MAP7: variants seen among roughly 807,000 people sequenced by gnomAD.
The protein encoded by MAP7 is ensconsin.
Under a neutral mutation model 94.8 loss-of-function variants are expected in MAP7, and 52 were observed. That is an observed-to-expected ratio of 0.55 (90% CI 0.44 to 0.69). MAP7 has a LOEUF of 0.69. MAP7 is among the 30% of genes least tolerant of loss of function. MAP7 has a pLI of 0.00. For synonymous variants in MAP7, 350 were observed against 357.0 expected (o/e 0.98, Z 0.22); for missense variants, 940 against 964.6 (o/e 0.97, Z 0.34).
intron 8 of MAP7, among the ~76,000 whole-genome samples, chr6:136,371,293 T>C (rs1265869656): frequency 1.3e-5 from 2 of 152,232 alleles, no homozygotes; most frequent in South Asian, 4.1e-4. Flanking sequence ...TCTTTTCCCC[T>C]GCCCAGTGAG....
intron 1 of MAP7, among the ~76,000 whole-genome samples, chr6:136,466,267 C>T (rs909113539): frequency 1.3e-5 from 2 of 152,138 alleles, no homozygotes; most frequent in African/African-American, 4.8e-5. Flanking sequence ...ATACACCTCT[C>T]TAAATAGAAA....
chr6:136,536,847 A>C (rs1828925919), intron 1 of MAP7, among the ~76,000 whole-genome samples: 2 of 152,248 alleles, frequency 1.3e-5, no homozygotes, highest in Admixed American at 6.5e-5. Context: ...AATAGAAAGC[A>C]ACCCTGTGCT....
intron 17 of MAP7, 92 bp downstream of exon 17, chr6:136,345,764 A>T: frequency 9.8e-7 from 1 of 1,024,156 alleles, no homozygotes; most frequent in Non-Finnish European, 1.6e-6. Flanking sequence ...ACAAAGTGTT[A>T]CCACAATCAT....
chr6:136,467,961 C>T (rs151165891), intron 1 of MAP7, among the ~76,000 whole-genome samples: 2 of 152,292 alleles, frequency 1.3e-5, no homozygotes, highest in Non-Finnish European at 2.9e-5. Flanking sequence ...GCGTGAGGGT[C>T]AAGTGTGGGC....
chr6:136,380,915 C>A (rs980331087), intron 6 of MAP7, among the ~76,000 whole-genome samples: 10 of 152,184 alleles, frequency 6.6e-5, no homozygotes, highest in African/African-American at 2.4e-4. Context: ...ACTAGTAGAG[C>A]TCTTTGGATA....
intron 3 of MAP7, among the ~76,000 whole-genome samples, chr6:136,402,453 G>T (rs549810956): frequency 6.6e-6 from 1 of 152,190 alleles, no homozygotes; most frequent in Non-Finnish European, 1.5e-5. Flanking sequence ...GACCTTGGAG[G>T]ATCCCCACAA....
At chr6:136,432,755 A>G (rs888531366) in intron 1 of MAP7, among the ~76,000 whole-genome samples, 2 of 152,198 alleles carry the variant, frequency 1.3e-5, no homozygotes, top group Non-Finnish European at 2.9e-5. Flanking sequence ...TTATAAAAAG[A>G]AAGTAAATTT....
chr6:136,366,045 A>G (rs370679045), intron 9 of MAP7, 27 bp from the exon 10 acceptor site: 1 of 1,595,042 alleles, frequency 6.3e-7, no homozygotes, highest in African/African-American at 1.3e-5. Context: ...CAAGGCAGAC[A>G]AAAGGGGACA....
intron 16 of MAP7, among the ~76,000 whole-genome samples, chr6:136,350,933 G>C (rs1440930214): frequency 6.6e-6 from 1 of 152,208 alleles, no homozygotes; most frequent in African/African-American, 2.4e-5. Context: ...AAGTGGCAGA[G>C]AGCCCCAGGG....
intron 16 of MAP7, among the ~76,000 whole-genome samples, chr6:136,355,218 C>T (rs964280868): frequency 1.4e-4 from 21 of 151,182 alleles, no homozygotes; most frequent in African/African-American, 5.1e-4. Flanking sequence ...ATTGTCTGTT[C>T]CCCATAATAA....
intron 8 of MAP7, among the ~76,000 whole-genome samples, chr6:136,370,589 A>T (rs1774152905): frequency 6.6e-6 from 1 of 152,244 alleles, no homozygotes; most frequent in African/African-American, 2.4e-5. Context: ...AAAAGGAAGG[A>T]AATTCTGACA....
At chr6:136,510,981 C>T (rs769892155) in intron 1 of MAP7, among the ~76,000 whole-genome samples, 36 of 151,880 alleles carry the variant, frequency 2.4e-4, no homozygotes, top group Admixed American at 6.6e-4. Flanking sequence ...TTCATGATAT[C>T]GTAGGTGGTG....
At chr6:136,457,039 A>G (rs1253128119) in intron 1 of MAP7, among the ~76,000 whole-genome samples, 3 of 150,976 alleles carry the variant, frequency 2.0e-5, no homozygotes, top group Non-Finnish European at 3.0e-5. Flanking sequence ...TTTTTTAAAG[A>G]CAAAATTGAC....
chr6:136,470,680 T>A (rs1808677402), intron 1 of MAP7, among the ~76,000 whole-genome samples: 1 of 152,096 alleles, frequency 6.6e-6, no homozygotes, highest in South Asian at 2.1e-4. Context: ...TGTGTCCTTC[T>A]GCATTCTTTT....
intron 2 of MAP7, chr6:136,420,574 G>T (rs993823471): frequency 2.7e-5 from 5 of 186,874 alleles, no homozygotes; most frequent in African/African-American, 9.4e-5. Context: ...CGGCATAGAA[G>T]AACTCAGTAA....
intron 1 of MAP7, among the ~76,000 whole-genome samples, chr6:136,532,850 C>G (rs1490525078): frequency 6.6e-6 from 1 of 152,206 alleles, no homozygotes; most frequent in Non-Finnish European, 1.5e-5. Context: ...AACTGATGGT[C>G]CCGAGGTTTT....
intron 1 of MAP7, among the ~76,000 whole-genome samples, chr6:136,488,123 T>G (rs1231855870): frequency 6.6e-6 from 1 of 152,246 alleles, no homozygotes; most frequent in Non-Finnish European, 1.5e-5. Flanking sequence ...AAGTAGTTTC[T>G]AGATAATATT....
chr6:136,399,542 C>T (rs1783480822), intron 3 of MAP7, among the ~76,000 whole-genome samples: 1 of 151,816 alleles, frequency 6.6e-6, no homozygotes, highest in African/African-American at 2.4e-5. Context: ...CTTGTAGAGA[C>T]AGAGTCTTGC....
At chr6:136,457,624 T>C (rs1009232634) in intron 1 of MAP7, among the ~76,000 whole-genome samples, 1 of 152,116 alleles carries the variant, frequency 6.6e-6, no homozygotes, top group East Asian at 1.9e-4. Flanking sequence ...GATTTATCCC[T>C]GGGATGTAAG....
Sources: allele counts gnomAD v4.1 joint callset (sites outside exome capture counted in the v4.1 genomes callset), GRCh38; gene constraint gnomAD v4.1.1; transcripts MANE v1.5; gene names NCBI Gene and HGNC (gene_info 2026-07-23, HGNC 2026-07-21).